SCN4B: variants seen among roughly 807,000 people sequenced by gnomAD.
The protein encoded by SCN4B is sodium voltage-gated channel beta subunit 4.
A neutral mutation model predicts 19.6 loss-of-function variants in SCN4B; 20 were observed. That is an observed-to-expected ratio of 1.02 (90% CI 0.72 to 1.48). The LOEUF is 1.48. SCN4B is among the 40% of genes most tolerant of loss of function. The pLI, the probability that SCN4B is intolerant of heterozygous loss-of-function variation, is 0.00. For synonymous variants in SCN4B, 127 were observed against 122.8 expected, an observed-to-expected ratio of 1.03 and a Z score of -0.22; for missense variants, 271 against 287.5, an observed-to-expected ratio of 0.94 and a Z score of 0.42.
At chr11:118,144,446 CCT>C (rs1231471848) in intron 2 of SCN4B, among the ~76,000 whole-genome samples, 1 of 152,164 alleles carries the variant, frequency 6.6e-6, no homozygotes, top group Non-Finnish European at 1.5e-5. Flanking sequence ...ATTTTGGCCC[CCT>C]GTCAAGACCT....
Position 118,141,595 on chromosome 11 carries a change from G to A in SCN4B, c.464-259C>T, listed in dbSNP as rs11216781. 0.35 allele frequency: 194,010 copies of A among 555,298 alleles called. 38,640 individuals carry two copies. Among genetic ancestry groups the A allele is most frequent in the East Asian group, 0.61 (19,967 of 32,496 alleles). 34.4% of individuals were successfully genotyped at this position (555,298 alleles called of 1,614,324 possible). ...TGCCCTCCCACAGATGCACTCACAC[G>A]AGTTCTGGAATAAATCAGAATTGGA... On this transcript the variant is annotated intron_variant, in intron 3 of 4. Coordinates refer to ENST00000324727, the MANE Select transcript of SCN4B (RefSeq NM_174934.4).
intron 1 of SCN4B, among the ~76,000 whole-genome samples, chr11:118,150,336 A>C (rs528343580): frequency 2.4e-4 from 36 of 152,314 alleles, no homozygotes; most frequent in Admixed American, 1.4e-3. Flanking sequence ...CTTTGGTCTC[A>C]GTCTGTGAGA....
rs1002891640 is a variant in SCN4B at position 118,148,379 on chromosome 11, A to T, written c.62-3150T>A. 2.0e-5 allele frequency among the ~76,000 whole-genome samples: 3 copies of T among 152,136 alleles called. No individual in the cohort carries two copies. The highest frequency in any genetic ancestry group is 7.2e-5 in the African/African-American group (3 of 41,432). ...AGGCTGCTCTGGGGGAGAGGGGGGA[A>T]CCAGGGGCAGGTGTTGGTCCACAAA... On this transcript the variant is annotated intron_variant, in intron 1 of 4. Transcript: ENST00000324727. The surrounding 1 kb of genome is among the most constrained non-coding windows in gnomAD (Gnocchi z 4.0).
In SCN4B at chr11:118,152,646, C is replaced by T. The variant is rs753749653; in HGVS notation, c.28G>A (p.Ala10Thr). 6.8e-6 allele frequency: 11 copies of T among 1,611,832 alleles called. No individual in the cohort carries two copies. The highest frequency in any genetic ancestry group is 8.5e-6 in the Non-Finnish European group (10 of 1,178,778). Residue 10 changes from alanine (A) to threonine (T), a missense_variant, in exon 1 of 5, where the codon GCC (alanine) becomes ACC (threonine). Transcript: ENST00000324727. MPGAGDGGK[A>T]PARWLGTGLL... ...CCAGTGCCCAGCCATCTCGCCGGGG[C>T]TTTGCCTCCGTCCCCAGCCCCGGGC...
At chr11:118,142,256 C>T (rs1948108940) in intron 3 of SCN4B, among the ~76,000 whole-genome samples, 1 of 152,210 alleles carries the variant, frequency 6.6e-6, no homozygotes, top group African/African-American at 2.4e-5. Context: ...CACAATCTGG[C>T]TTGACCTGAC....
chr11:118,141,471 C>A, intron 3 of SCN4B, 135 bp from the exon 4 acceptor site: 2 of 961,766 alleles, frequency 2.1e-6, no homozygotes, highest in Non-Finnish European at 3.2e-6. Context: ...TCCCAGACCC[C>A]CAGCCCTCCC....
At chr11:118,137,148 G>A (rs1948026611) in intron 4 of SCN4B, 28 bp from the exon 5 acceptor site, 1 of 1,519,884 alleles carries the variant, frequency 6.6e-7, no homozygotes. Context: ...AGGGACAGTG[G>A]TGAGGAGAGG....
At position 118,143,347 on chromosome 11, in the gene SCN4B, T is replaced by C. The variant is rs1396459848; in HGVS notation, c.463+486A>G. ...GTTTTCACCTCTACTGACAGATGTA[T>C]GCATCATGTTCTGCCCATTCTAGCT... On this transcript the variant is annotated intron_variant, in intron 3 of 4. Transcript: ENST00000324727. 4.6e-5 allele frequency among the ~76,000 whole-genome samples: 7 copies of C among 152,258 alleles called. No homozygotes were observed. In the South Asian group the frequency reaches 1.4e-3, roughly 31 times the overall value.
chr11:118,147,974 A>G (rs1354174762), intron 1 of SCN4B, among the ~76,000 whole-genome samples: 3 of 152,342 alleles, frequency 2.0e-5, no homozygotes, highest in Admixed American at 6.5e-5. Flanking sequence ...TTTAAATAGA[A>G]GCAAAAACGA....
chr11:118,134,013 A>G lies in SCN4B; in HGVS notation c.*3014T>C, dbSNP rs1319920957. ...TGCCATGCACCCACACTGCCTGCACACGCACACTCCACACAAGCACACCCC... is the reference window on the plus strand; with the variant it reads ...TGCCATGCACCCACACTGCCTGCACGCGCACACTCCACACAAGCACACCCC... On this transcript the variant is annotated 3_prime_UTR_variant, in exon 5 of 5. Coordinates refer to ENST00000324727, the MANE Select transcript of SCN4B (RefSeq NM_174934.4). 1 of 454,670 alleles carries G rather than the reference A, an allele frequency of 2.2e-6. No individual in the cohort carries two copies. The highest frequency in any genetic ancestry group is 1.6e-5 in the South Asian group (1 of 64,470). 28.2% of individuals were successfully genotyped at this position (454,670 alleles called of 1,614,324 possible).
At chr11:118,151,148 ACAC>A (rs1331683243) in intron 1 of SCN4B, among the ~76,000 whole-genome samples, 2 of 133,848 alleles carry the variant, frequency 1.5e-5, no homozygotes, top group African/African-American at 5.7e-5. Flanking sequence ...ACACACACAC[ACAC>A]ATCATTTTCA....
Position 118,148,063 on chromosome 11 carries a change from G to A in SCN4B, c.62-2834C>T, listed in dbSNP as rs1948199736. Among the ~76,000 whole-genome samples the A allele has an allele frequency of 6.6e-6, 1 of 152,218 alleles. No individual in the cohort carries two copies. The highest frequency in any genetic ancestry group is 2.4e-5 in the African/African-American group (1 of 41,442). On this transcript the variant is annotated intron_variant, in intron 1 of 4. Coordinates refer to ENST00000324727, the MANE Select transcript of SCN4B (RefSeq NM_174934.4). The surrounding 1 kb of genome is among the most constrained non-coding windows in gnomAD (Gnocchi z 4.0). ...ATGACACAGTACACGTTTCTGCCTG[G>A]TTTGTGTGCACCTATGTGGATGACT... is the stretch of plus-strand genomic sequence containing the variant.
chr11:118,134,088 C>G lies in SCN4B; in HGVS notation c.*2939G>C, dbSNP rs757631990. 8.5e-4 allele frequency: 387 copies of G among 454,302 alleles called. 1 individual carries two copies. The highest frequency in any genetic ancestry group is 1.6e-3 in the Non-Finnish European group (364 of 226,804). 28.1% of individuals were successfully genotyped at this position (454,302 alleles called of 1,614,324 possible). A position where few individuals can be genotyped will look rare whatever the true frequency, so the allele number is the denominator to read the frequency against. The stretch of plus-strand genomic sequence containing the variant: ...CTCTCAAGCCCTCGCTCCACAAGAG[C>G]TCTGATCGGCCTGCCATATGTAGTC... On this transcript the variant is annotated 3_prime_UTR_variant, in exon 5 of 5. Transcript: ENST00000324727.
In SCN4B at chr11:118,152,736, C is replaced by G. The variant is rs1350899051; in HGVS notation, c.-63G>C. The G allele has an allele frequency of 7.3e-7, 1 of 1,363,768 alleles. No individual in the cohort carries two copies. Among genetic ancestry groups the G allele is most frequent in the Non-Finnish European group, 1.0e-6 (1 of 995,826 alleles). The allele number at this position is 1,363,768 out of a possible 1,614,324, so 84.5% of individuals were successfully genotyped here. On this transcript the variant is annotated 5_prime_UTR_variant, in exon 1 of 5. Coordinates refer to ENST00000324727, the MANE Select transcript of SCN4B (RefSeq NM_174934.4). ...ATGGGATACTGGGCACAGCCGCGCT[C>G]TCCGCCCGAGGTCGGCGTTCGGCCA...
intron 2 of SCN4B, 129 bp downstream of exon 2, chr11:118,144,928 A>G: frequency 1.1e-6 from 1 of 883,798 alleles, no homozygotes; most frequent in Admixed American, 1.7e-5. Flanking sequence ...GAATACTGGG[A>G]GAAAGGGTGG....
At chr11:118,143,067 C>T (rs923714314) in intron 3 of SCN4B, among the ~76,000 whole-genome samples, 2 of 152,204 alleles carry the variant, frequency 1.3e-5, no homozygotes, top group East Asian at 3.8e-4. Flanking sequence ...TTGCGCAAGT[C>T]CCCTTCCCTT....
At chr11:118,150,974 C>T (rs957589394) in intron 1 of SCN4B, among the ~76,000 whole-genome samples, 1 of 152,192 alleles carries the variant, frequency 6.6e-6, no homozygotes, top group Non-Finnish European at 1.5e-5. Context: ...CCTGGGCTCC[C>T]AAAGGGTAGC....
chr11:118,143,027 T>C (rs1412242019), intron 3 of SCN4B, among the ~76,000 whole-genome samples: 1 of 152,206 alleles, frequency 6.6e-6, no homozygotes, highest in African/African-American at 2.4e-5. Context: ...AAACTCCCGG[T>C]ACACACAAAA....
At position 118,144,018 on chromosome 11, in the gene SCN4B, A is replaced by T; in HGVS notation, c.278T>A (p.Val93Glu). The T allele has an allele frequency of 6.2e-7, 1 of 1,613,998 alleles. No homozygotes were observed. The change falls in exon 3 of 5, where the codon GTG (valine) becomes GAG (glutamate). Residue 93 changes from valine (V) to glutamate (E), a missense_variant. Physicochemically the swap from Val to Glu is moderately radical, Grantham distance 121. Transcript: ENST00000324727. ...TVKNEKSDPKVTLKDDDRITL... is the reference protein window; with the variant it reads ...TVKNEKSDPKETLKDDDRITL... ...GATGCGGTCATCGTCTTTCAACGTCACCTTGGGGTCAGACTTCTCATTCTT... is the reference window on the plus strand; with the variant it reads ...GATGCGGTCATCGTCTTTCAACGTCTCCTTGGGGTCAGACTTCTCATTCTT...
Sources: allele counts gnomAD v4.1 joint callset (sites outside exome capture counted in the v4.1 genomes callset), GRCh38; gene constraint gnomAD v4.1.1; non-coding constraint Gnocchi (gnomAD v3.1); transcripts MANE v1.5; gene names NCBI Gene and HGNC (gene_info 2026-07-23, HGNC 2026-07-21).